Variants in SPAG16 observed in about 807,000 individuals in gnomAD.
SPAG16 encodes the protein sperm associated antigen 16, also known as sperm-associated antigen 16 protein.
In SPAG16, 86 loss-of-function variants were observed where a neutral mutation model predicts 80.4. The ratio of observed to expected loss-of-function variants is 1.07; its 90% CI spans 0.90 to 1.28. SPAG16 has a LOEUF of 1.28. SPAG16 is among the 50% of genes most tolerant of loss of function. The probability of loss-of-function intolerance (pLI) is 0.00; values close to 1 mark genes in which losing one functional copy is unlikely to be tolerated. For missense variants in SPAG16, 870 were observed against 765.3 expected (o/e 1.14, Z -1.61); for synonymous variants, 294 against 265.9 (o/e 1.11, Z -1.03).
chr2:213,715,899 T>A (rs2066219947), intron 10 of SPAG16, among the ~76,000 whole-genome samples: 1 of 151,780 alleles, frequency 6.6e-6, no homozygotes, highest in Non-Finnish European at 1.5e-5. Context: ...CACCACTCCT[T>A]CCCCATGGGT....
intron 13 of SPAG16, among the ~76,000 whole-genome samples, chr2:214,059,406 T>C (rs2050141798): frequency 6.6e-6 from 1 of 151,440 alleles, no homozygotes; most frequent in Non-Finnish European, 1.5e-5. Flanking sequence ...GAAATACTGT[T>C]GGCATGTTAG....
chr2:213,687,053 T>A (rs977030554), intron 10 of SPAG16, among the ~76,000 whole-genome samples: 3 of 152,136 alleles, frequency 2.0e-5, no homozygotes, highest in Non-Finnish European at 4.4e-5. Flanking sequence ...TTTTCCTGCT[T>A]TCTTTAGGAT....
rs1261475505 is a variant in SPAG16 at position 213,468,502 on chromosome 2, T to G, written c.943-21461T>G. Among the ~76,000 whole-genome samples, 22 of 65,646 alleles carry G rather than the reference T, an allele frequency of 3.4e-4. 1 individual carries two copies. The highest frequency in any genetic ancestry group is 1.0e-3 in the African/African-American group (20 of 19,948). The allele number at this position is 65,646 out of a possible 152,430, so 43.1% of individuals were successfully genotyped here. A position where few individuals can be genotyped will look rare whatever the true frequency, so the allele number is the denominator to read the frequency against. The stretch of plus-strand genomic sequence containing the variant: ...ATAGATATATATATGTATTTATATA[T>G]AGATATATATATATCTATGTATTTA... On this transcript the variant is annotated intron_variant, in intron 9 of 15. Transcript: ENST00000331683.
intron 12 of SPAG16, among the ~76,000 whole-genome samples, chr2:213,978,382 T>C (rs78153551): frequency 0.015 from 2,282 of 152,232 alleles, 60 homozygotes; most frequent in African/African-American, 0.052. Flanking sequence ...AAAATTTTCC[T>C]TTCTTTCCCT....
At chr2:213,860,425 ATATC>A (rs36055706) in intron 10 of SPAG16, among the ~76,000 whole-genome samples, 44,650 of 124,388 alleles carry the variant, frequency 0.36, 7,385 homozygotes, top group East Asian at 0.52. Context: ...ATATGTGTGT[ATATC>A]TATATATTTA....
intron 5 of SPAG16, among the ~76,000 whole-genome samples, chr2:213,337,933 G>T (rs1398298296): frequency 2.0e-5 from 3 of 151,976 alleles, no homozygotes; most frequent in Non-Finnish European, 4.4e-5. Context: ...GATTCTCCAG[G>T]GCTGAAATAA....
At chr2:213,911,000 T>C (rs149850413) in intron 11 of SPAG16, among the ~76,000 whole-genome samples, 1 of 152,292 alleles carries the variant, frequency 6.6e-6, no homozygotes, top group African/African-American at 2.4e-5. Flanking sequence ...TCCTACTTAG[T>C]GATGTAAGAA....
intron 13 of SPAG16, among the ~76,000 whole-genome samples, chr2:214,087,474 G>A (rs923144875): frequency 3.9e-5 from 6 of 152,058 alleles, no homozygotes; most frequent in African/African-American, 1.4e-4. Context: ...AGGAAACTGT[G>A]CAAGTTCTTA....
intron 9 of SPAG16, among the ~76,000 whole-genome samples, chr2:213,455,742 T>G (rs186859595): frequency 6.6e-6 from 1 of 152,300 alleles, no homozygotes; most frequent in Non-Finnish European, 1.5e-5. Context: ...CCCTGCTAAT[T>G]TGACAGGAGT....
chr2:214,033,890 T>C (rs2048548579), intron 13 of SPAG16, among the ~76,000 whole-genome samples: 1 of 152,222 alleles, frequency 6.6e-6, no homozygotes, highest in African/African-American at 2.4e-5. Flanking sequence ...GATACAGCTA[T>C]CTAATCTACA....
At chr2:213,467,038 T>A (rs916383376) in intron 9 of SPAG16, among the ~76,000 whole-genome samples, 5 of 152,218 alleles carry the variant, frequency 3.3e-5, no homozygotes, top group Non-Finnish European at 5.9e-5. Context: ...AACCACCAGA[T>A]ATATCGGAAC....
chr2:213,631,913 A>G (rs2062167956), intron 10 of SPAG16, among the ~76,000 whole-genome samples: 2 of 152,198 alleles, frequency 1.3e-5, no homozygotes, highest in South Asian at 4.1e-4. Context: ...ATGACAGGTA[A>G]TGTGATTCCT....
chr2:213,861,432 A>G (rs2075454406), intron 10 of SPAG16, among the ~76,000 whole-genome samples: 1 of 152,216 alleles, frequency 6.6e-6, no homozygotes, highest in African/African-American at 2.4e-5. Flanking sequence ...GAAAAGAACA[A>G]GGCCATTTAT....
In SPAG16 at chr2:214,005,307, T is replaced by C. The variant is rs559382608; in HGVS notation, c.1401-8644T>C. ...AGGCACTCTGAGTTGCTAGCTCTAC[T>C]ATGATCATTTTATTTGTTCACCTTT... On this transcript the variant is annotated intron_variant, in intron 12 of 15. Transcript: ENST00000331683. 2.6e-5 allele frequency among the ~76,000 whole-genome samples: 4 copies of C among 152,334 alleles called. No homozygotes were observed. In the South Asian group the frequency reaches 8.3e-4, roughly 32 times the overall value.
intron 5 of SPAG16, among the ~76,000 whole-genome samples, chr2:213,332,265 T>A (rs2064143652): frequency 6.6e-6 from 1 of 152,088 alleles, no homozygotes; most frequent in African/African-American, 2.4e-5. Context: ...ACCAACTACA[T>A]GCCAATAAAT....
chr2:214,041,899 C>T (rs1249440018), intron 13 of SPAG16, among the ~76,000 whole-genome samples: 1 of 143,462 alleles, frequency 7.0e-6, no homozygotes, highest in Non-Finnish European at 1.5e-5. Flanking sequence ...TATATATAGT[C>T]TGTGTATATA....
chr2:214,051,629 A>G (rs771238590), intron 13 of SPAG16, among the ~76,000 whole-genome samples: 11 of 152,166 alleles, frequency 7.2e-5, no homozygotes, highest in Non-Finnish European at 1.6e-4. Context: ...TATACTTACA[A>G]TAGTGTAAAA....
chr2:213,333,665 A>G (rs181790706), intron 5 of SPAG16, among the ~76,000 whole-genome samples: 3 of 152,178 alleles, frequency 2.0e-5, no homozygotes, highest in Non-Finnish European at 2.9e-5. Context: ...ACATAGACCA[A>G]TGGAACAGAA....
intron 3 of SPAG16, among the ~76,000 whole-genome samples, chr2:213,303,312 T>C (rs761906805): frequency 5.9e-5 from 9 of 152,024 alleles, no homozygotes; most frequent in Non-Finnish European, 1.3e-4. Flanking sequence ...ATCGGGTACA[T>C]AAGATATTTT....
Sources: allele counts gnomAD v4.1 joint callset (sites outside exome capture counted in the v4.1 genomes callset), GRCh38; gene constraint gnomAD v4.1.1; transcripts MANE v1.5; gene names NCBI Gene and HGNC (gene_info 2026-07-23, HGNC 2026-07-21).